Variants in COG6 observed in about 807,000 individuals in gnomAD.
COG6 encodes the protein component of oligomeric golgi complex 6.
COG6 carries 74 observed loss-of-function variants against 88.8 expected under a neutral mutation model. The observed-to-expected ratio is 0.83, with a 90% CI of 0.69 to 1.01. The LOEUF (loss-of-function observed/expected upper bound fraction) is 1.01, where lower values mean the gene tolerates loss of function less well. COG6 is among the 50% of genes least tolerant of loss of function. The pLI, the probability that COG6 is intolerant of heterozygous loss-of-function variation, is 0.00. For synonymous variants in COG6, 286 were observed against 278.7 expected (o/e 1.03, Z -0.26); for missense variants, 800 against 797.9 (o/e 1.00, Z -0.03).
chr13:39,677,423 CTG>C, intron 4 of COG6, 43 bp from the exon 5 acceptor site: 1 of 1,068,346 alleles, frequency 9.4e-7, no homozygotes, highest in South Asian at 1.3e-5. Flanking sequence ...AGCTATGCAA[CTG>C]TGTAAGATGC....
intron 4 of COG6, among the ~76,000 whole-genome samples, chr13:39,667,340 T>C (rs752320548): frequency 6.6e-6 from 1 of 152,198 alleles, no homozygotes; most frequent in Non-Finnish European, 1.5e-5. Flanking sequence ...TCACTAAAAA[T>C]CCACTTTTAC....
chr13:39,691,850 T>C (rs945639293), intron 11 of COG6, among the ~76,000 whole-genome samples: 2 of 151,996 alleles, frequency 1.3e-5, no homozygotes, highest in Non-Finnish European at 2.9e-5. Context: ...TTCTTCCTAA[T>C]TGATAAGCAA....
intron 18 of COG6, among the ~76,000 whole-genome samples, chr13:39,743,411 A>G (rs1055992188): frequency 2.0e-5 from 3 of 152,226 alleles, no homozygotes; most frequent in African/African-American, 7.2e-5. Flanking sequence ...ATAAAAAATG[A>G]TAAAGGGAAT....
At chr13:39,703,292 G>A (rs1207533447) in intron 13 of COG6, among the ~76,000 whole-genome samples, 3 of 151,908 alleles carry the variant, frequency 2.0e-5, no homozygotes, top group African/African-American at 7.3e-5. Flanking sequence ...TTACCAACAT[G>A]ACGAGCAAAA....
chr13:39,659,401 T>C lies in COG6; in HGVS notation c.191T>C (p.Phe64Ser). 1 of 1,613,546 alleles carries C rather than the reference T, an allele frequency of 6.2e-7. No homozygotes were observed. Among genetic ancestry groups the C allele is most frequent in the Non-Finnish European group, 8.5e-7 (1 of 1,179,642 alleles). The change falls in exon 2 of 19, where the codon TTT becomes TCT. Residue 64 changes from phenylalanine to serine, a missense_variant. Physicochemically the swap from Phe to Ser is radical, Grantham distance 155. Coordinates refer to ENST00000455146, the MANE Select transcript of COG6 (RefSeq NM_020751.3). Reference protein sequence around the residue: ...LEALKALSTFFVENSLRTRRN... With the variant: ...LEALKALSTFSVENSLRTRRN... ...GCTCTCAAGGCACTTTCAACCTTTT[T>C]TGTTGAAAATAGTCTGCGGACTCGA...
chr13:39,749,223 T>C (rs1041570287), intron 18 of COG6, among the ~76,000 whole-genome samples: 1 of 152,208 alleles, frequency 6.6e-6, no homozygotes, highest in Admixed American at 6.5e-5. Flanking sequence ...AATAGGACTC[T>C]GTAAATAAGG....
intron 13 of COG6, among the ~76,000 whole-genome samples, chr13:39,705,212 T>C (rs983088961): frequency 2.8e-4 from 43 of 152,166 alleles, no homozygotes; most frequent in African/African-American, 8.7e-4. Flanking sequence ...TTGGAAAGAA[T>C]AGCTTTTAAA....
intron 18 of COG6, among the ~76,000 whole-genome samples, chr13:39,768,257 A>C (rs570291400): frequency 6.6e-6 from 1 of 152,202 alleles, no homozygotes. Flanking sequence ...TGGTGTTGGT[A>C]TCTCACTGGC....
chr13:39,687,452 T>C (rs777531813), intron 8 of COG6, 51 bp from the exon 9 acceptor site: 11 of 1,543,406 alleles, frequency 7.1e-6, no homozygotes, highest in African/African-American at 5.5e-5. Flanking sequence ...TAGTCTGATA[T>C]AGCCACTAGA....
chr13:39,699,090 A>G (rs190699286), intron 12 of COG6, among the ~76,000 whole-genome samples: 11 of 151,986 alleles, frequency 7.2e-5, no homozygotes, highest in Non-Finnish European at 1.5e-4. Flanking sequence ...AGAATAACTC[A>G]GTATTTATAC....
At chr13:39,748,901 C>T (rs992645070) in intron 18 of COG6, among the ~76,000 whole-genome samples, 1 of 152,130 alleles carries the variant, frequency 6.6e-6, no homozygotes, top group Non-Finnish European at 1.5e-5. Flanking sequence ...TTTCCTTATT[C>T]CATCCAACTA....
intron 8 of COG6, 120 bp from the exon 9 acceptor site, chr13:39,687,383 A>G: frequency 2.3e-6 from 2 of 860,512 alleles, no homozygotes; most frequent in South Asian, 1.4e-5. Context: ...GCTTGACCGA[A>G]TATCTAAAGG....
chr13:39,759,099 A>C (rs879853543), intron 18 of COG6, among the ~76,000 whole-genome samples: 1 of 152,188 alleles, frequency 6.6e-6, no homozygotes, highest in Non-Finnish European at 1.5e-5. Flanking sequence ...GACAGCTAAC[A>C]GGTACTTTTT....
At chr13:39,717,810 T>C (rs995472002) in intron 13 of COG6, among the ~76,000 whole-genome samples, 1 of 152,096 alleles carries the variant, frequency 6.6e-6, no homozygotes, top group Admixed American at 6.6e-5. Flanking sequence ...TGAGCTGTGA[T>C]TGCACCACTG....
At chr13:39,656,690 A>T (rs1040500992) in intron 1 of COG6, 2 of 363,352 alleles carry the variant, frequency 5.5e-6, no homozygotes, top group African/African-American at 4.3e-5. Flanking sequence ...TTTGATTCCG[A>T]TATGTAAAAA....
Position 39,751,903 on chromosome 13 carries a change from T to C in COG6, c.*810T>C. On this transcript the variant is annotated 3_prime_UTR_variant, in exon 19 of 19. Transcript: ENST00000455146. The stretch of plus-strand genomic sequence containing the variant: ...GGTGTTTAAAGATGGGTATTTGTCA[T>C]ACAATATGGGTCCTAAATCCAACCA... The C allele has an allele frequency of 7.9e-7, 1 of 1,265,764 alleles. No individual in the cohort carries two copies. Among genetic ancestry groups the C allele is most frequent in the Non-Finnish European group, 1.0e-6 (1 of 969,214 alleles). The allele number at this position is 1,265,764 out of a possible 1,614,324, so 78.4% of individuals were successfully genotyped here.
rs1251581463 is a variant in COG6, at chr13:39,776,007, G to A, written c.1827-12328G>A. Among the ~76,000 whole-genome samples the A allele has an allele frequency of 2.6e-5, 4 of 152,120 alleles. No homozygotes were observed. The East Asian group carries it at 7.7e-4, about 29-fold the overall frequency. On this transcript the variant is annotated intron_variant, in intron 18 of 18. Transcript: ENST00000416691. ...TGGTCTCGAACTCCCCACCTCAGGT[G>A]ATCCACCCGCCTTGGTCTCCCAAAG...
chr13:39,730,975 C>T (rs895768252), intron 18 of COG6, among the ~76,000 whole-genome samples: 4 of 151,450 alleles, frequency 2.6e-5, no homozygotes, highest in Non-Finnish European at 5.9e-5. Flanking sequence ...GTGCATGCCA[C>T]CACTCCTGGC....
exon 19 of COG6, chr13:39,790,746 T>G (rs1881915660): frequency 6.6e-6 from 1 of 152,120 alleles, no homozygotes; most frequent in Non-Finnish European, 1.5e-5. Context: ...ATGTCCATAT[T>G]TTAAAGTCTT....
Sources: gnomAD v4.1 joint callset for allele counts (sites outside exome capture counted in the v4.1 genomes callset) on GRCh38, gnomAD v4.1.1 for gene constraint, MANE v1.5 for transcripts, NCBI Gene and HGNC (gene_info 2026-07-23, HGNC 2026-07-21) for gene names.